Variants in CSMD3 observed in about 807,000 individuals in gnomAD.
CSMD3 encodes the protein CUB and Sushi multiple domains 3.
In CSMD3, 177 loss-of-function variants were observed where a neutral mutation model predicts 435.2. The ratio of observed to expected loss-of-function variants is 0.41; its 90% CI spans 0.36 to 0.46. CSMD3 has a LOEUF of 0.46. CSMD3 is among the 20% of genes least tolerant of loss of function. The pLI, the probability that CSMD3 is intolerant of heterozygous loss-of-function variation, is 0.34. For synonymous variants in CSMD3, 1,656 were observed against 1,520.5 expected (o/e 1.09, Z -2.07); for missense variants, 4,265 against 4,504.6 (o/e 0.95, Z 1.52).
chr8:113,091,015 C>T (rs2089984580), intron 5 of CSMD3, among the ~76,000 whole-genome samples: 1 of 151,998 alleles, frequency 6.6e-6, no homozygotes, highest in African/African-American at 2.4e-5. Flanking sequence ...GGTCACTGCA[C>T]TTATAAACTT....
intron 63 of CSMD3, among the ~76,000 whole-genome samples, chr8:112,252,398 G>C (rs1815346161): frequency 6.6e-6 from 1 of 151,860 alleles, no homozygotes; most frequent in Admixed American, 6.6e-5. Context: ...CTGAGTACTT[G>C]AAGCCAGTAC....
intron 13 of CSMD3, among the ~76,000 whole-genome samples, chr8:112,795,275 T>C (rs988462255): frequency 7.2e-5 from 11 of 152,228 alleles, no homozygotes; most frequent in Admixed American, 7.2e-4. Flanking sequence ...TTGGTCATCA[T>C]GTTCAAGGTT....
chr8:112,785,489 A>G (rs925614212), intron 13 of CSMD3, among the ~76,000 whole-genome samples: 2 of 152,076 alleles, frequency 1.3e-5, no homozygotes, highest in African/African-American at 4.8e-5. Flanking sequence ...TACATGCAAT[A>G]TAAATTTATA....
intron 3 of CSMD3, among the ~76,000 whole-genome samples, chr8:113,269,543 T>A (rs551108110): frequency 4.5e-4 from 69 of 152,244 alleles, no homozygotes; most frequent in South Asian, 8.3e-4. Context: ...GGCATCACAC[T>A]ACCTGACTTC....
chr8:113,024,006 G>A (rs1257837282), intron 5 of CSMD3, among the ~76,000 whole-genome samples: 2 of 152,016 alleles, frequency 1.3e-5, no homozygotes, highest in African/African-American at 4.8e-5. Context: ...CAGTGCAATA[G>A]GACACTGGTA....
At chr8:113,166,323 A>G (rs757846586) in intron 4 of CSMD3, among the ~76,000 whole-genome samples, 5 of 151,980 alleles carry the variant, frequency 3.3e-5, no homozygotes, top group African/African-American at 4.8e-5. Flanking sequence ...TGACCAATAT[A>G]GTGAAACCAC....
intron 4 of CSMD3, among the ~76,000 whole-genome samples, chr8:113,157,324 T>C (rs72685886): frequency 0.067 from 10,137 of 152,214 alleles, 453 homozygotes; most frequent in Non-Finnish European, 0.095. Context: ...GTGCTTTGAT[T>C]AACAAAGTCC....
At chr8:113,398,204 C>T (rs1051536323) in intron 1 of CSMD3, among the ~76,000 whole-genome samples, 1 of 152,046 alleles carries the variant, frequency 6.6e-6, no homozygotes, top group Non-Finnish European at 1.5e-5. Flanking sequence ...GCTTATTAAT[C>T]CATCTGAAAT....
At chr8:112,916,679 C>G (rs1462968467) in intron 10 of CSMD3, among the ~76,000 whole-genome samples, 2 of 151,888 alleles carry the variant, frequency 1.3e-5, no homozygotes, top group Non-Finnish European at 2.9e-5. Flanking sequence ...TCAGCAGGTT[C>G]TGATATGTTC....
At position 113,136,557 on chromosome 8, in the gene CSMD3, A is replaced by T. The variant is rs545925592; in HGVS notation, c.709+37165T>A. Among the ~76,000 whole-genome samples the T allele has an allele frequency of 1.1e-3, 161 of 151,854 alleles. 2 individuals are homozygous for T. Among genetic ancestry groups the T allele is most frequent in the Non-Finnish European group, 5.8e-4 (39 of 67,806 alleles). On this transcript the variant is annotated intron_variant, in intron 4 of 70. Transcript: ENST00000297405. ...CAGAAACTAAGTAGGATGAAAACAAAAAAGAACATTCTAGATTTATTAAAT... is the reference window on the plus strand; with the variant it reads ...CAGAAACTAAGTAGGATGAAAACAATAAAGAACATTCTAGATTTATTAAAT...
At chr8:112,877,214 C>T (rs2081309265) in intron 10 of CSMD3, among the ~76,000 whole-genome samples, 1 of 151,874 alleles carries the variant, frequency 6.6e-6, no homozygotes, top group Admixed American at 6.6e-5. Flanking sequence ...ATGCTGTCCC[C>T]ATCAAGCTAC....
Position 112,859,143 on chromosome 8 carries a change from A to G in CSMD3, c.1755+2T>C. ...TTTAAATCACAGATGGTGTTCTCTT[A>G]CCTTATTTGTATTCACTGCTGTGAT... On this transcript the variant is annotated splice_donor_variant, in intron 11 of 70. Transcript: ENST00000297405. LOFTEE classifies it high-confidence loss of function. The G allele has an allele frequency of 6.2e-7, 1 of 1,609,712 alleles. No individual in the cohort carries two copies. The highest frequency in any genetic ancestry group is 8.5e-7 in the Non-Finnish European group (1 of 1,176,768).
chr8:112,540,744 G>T (rs1351794796), intron 27 of CSMD3, among the ~76,000 whole-genome samples: 1 of 151,890 alleles, frequency 6.6e-6, no homozygotes, highest in African/African-American at 2.4e-5. Flanking sequence ...TCTCATGGAG[G>T]TAGTGAGTCA....
chr8:113,353,008 T>G (rs1400188799), intron 1 of CSMD3, among the ~76,000 whole-genome samples: 2 of 152,080 alleles, frequency 1.3e-5, no homozygotes, highest in Non-Finnish European at 2.9e-5. Context: ...CAAGCTAAAA[T>G]GATGGAAGGA....
intron 19 of CSMD3, among the ~76,000 whole-genome samples, chr8:112,648,892 T>C (rs1387251281): frequency 6.6e-6 from 1 of 152,166 alleles, no homozygotes; most frequent in Non-Finnish European, 1.5e-5. Context: ...CAAGACAAAG[T>C]CAATCATAAT....
intron 9 of CSMD3, among the ~76,000 whole-genome samples, chr8:112,934,002 G>A (rs1564121189): frequency 1.3e-5 from 2 of 152,086 alleles, no homozygotes; most frequent in South Asian, 4.1e-4. Context: ...GTAAACTCTT[G>A]AAGGGAAAAA....
At chr8:112,965,459 A>C (rs564356800) in intron 7 of CSMD3, among the ~76,000 whole-genome samples, 14 of 152,088 alleles carry the variant, frequency 9.2e-5, no homozygotes, top group Admixed American at 4.6e-4. Context: ...GAAAAAAACA[A>C]AGTGGCTGAA....
intron 27 of CSMD3, among the ~76,000 whole-genome samples, chr8:112,523,562 A>G (rs1411785561): frequency 6.6e-6 from 1 of 152,028 alleles, no homozygotes; most frequent in Non-Finnish European, 1.5e-5. Flanking sequence ...CTAAAAAATG[A>G]CACTGTATTC....
At chr8:112,518,874 G>T (rs1823984324) in intron 27 of CSMD3, among the ~76,000 whole-genome samples, 1 of 152,026 alleles carries the variant, frequency 6.6e-6, no homozygotes, top group South Asian at 2.1e-4. Flanking sequence ...ATGGCAGAAG[G>T]CAAAGGGGAG....
Sources: allele counts gnomAD v4.1 joint callset (sites outside exome capture counted in the v4.1 genomes callset), GRCh38; gene constraint gnomAD v4.1.1; transcripts MANE v1.5; gene names NCBI Gene and HGNC (gene_info 2026-07-23, HGNC 2026-07-21).